TRUB2: variants seen among roughly 807,000 people sequenced by gnomAD.
The protein encoded by TRUB2 is TruB pseudouridine synthase family member 2.
A neutral mutation model predicts 31.9 loss-of-function variants in TRUB2; 31 were observed. That is an observed-to-expected ratio of 0.97 (90% CI 0.73 to 1.31). The LOEUF (loss-of-function observed/expected upper bound fraction) is 1.31, where lower values mean the gene tolerates loss of function less well. Ranked by LOEUF, TRUB2 falls within the 50% of genes most tolerant of loss-of-function variation. TRUB2 has a pLI of 0.00. For missense variants in TRUB2, 451 were observed against 439.6 expected, an observed-to-expected ratio of 1.03 and a Z score of -0.23; for synonymous variants, 201 against 182.6, an observed-to-expected ratio of 1.10 and a Z score of -0.81.
chr9:128,310,946 G>A lies in TRUB2; in HGVS notation c.611C>T (p.Ser204Phe), dbSNP rs2131443288. 1 of 1,614,220 alleles carries A rather than the reference G, an allele frequency of 6.2e-7. No homozygotes were observed. The highest frequency in any genetic ancestry group is 1.1e-5 in the South Asian group (1 of 91,088). Residue 204 changes from serine to phenylalanine, a missense_variant, in exon 7 of 8, where the codon TCC (serine) becomes TTC (phenylalanine). Physicochemically the swap from Ser to Phe is radical, Grantham distance 155. Coordinates refer to ENST00000372890, the MANE Select transcript of TRUB2 (RefSeq NM_015679.3). Reference sequence around the variant, plus strand: ...TCGGATGCCAGTTATCAGCATCGGGGACTTGTTCATGGGCCGGATCAGGCC... The same window carrying A: ...TCGGATGCCAGTTATCAGCATCGGGAACTTGTTCATGGGCCGGATCAGGCC... ...VRGLIRPMNK[S>F]PMLITGIRCL...
intron 2 of TRUB2, among the ~76,000 whole-genome samples, chr9:128,319,548 C>A (rs1832126534): frequency 6.6e-6 from 1 of 151,974 alleles, no homozygotes; most frequent in South Asian, 2.1e-4. Flanking sequence ...GGTCCAGGAT[C>A]CCTTGCAGAT....
intron 5 of TRUB2, among the ~76,000 whole-genome samples, chr9:128,312,901 T>C (rs1453496451): frequency 6.7e-6 from 1 of 149,668 alleles, no homozygotes; most frequent in Non-Finnish European, 1.5e-5. Context: ...CGTGAGCCAC[T>C]GCGCCCGGCC....
Position 128,309,636 on chromosome 9 carries a change from T to C in TRUB2, c.910A>G (p.Thr304Ala). 1.2e-6 allele frequency: 2 copies of C among 1,614,038 alleles called. No individual in the cohort carries two copies. Among genetic ancestry groups the C allele is most frequent in the Non-Finnish European group, 1.7e-6 (2 of 1,179,982 alleles). Reference protein sequence around the residue: ...LEKSLSPGLDTKQLPSPGWSW... With the variant: ...LEKSLSPGLDAKQLPSPGWSW... ...CATCCCGGACTGGGGAGCTGCTTGG[T>C]GTCCAGCCCCGGGCTCAAGCTCTTC... The change falls in exon 8 of 8, where the codon ACC becomes GCC. Residue 304 changes from threonine to alanine, a missense_variant. Physicochemically the swap from Thr to Ala is moderately conservative, Grantham distance 58 (BLOSUM62 0). Transcript: ENST00000372890.
Position 128,310,799 on chromosome 9 carries a change from A to G in TRUB2, c.670+88T>C, listed in dbSNP as rs116336214. On this transcript the variant is annotated intron_variant, in intron 7 of 7. Coordinates refer to ENST00000372890, the MANE Select transcript of TRUB2 (RefSeq NM_015679.3). ...CGTGTGCTGGCCTCAGCTGAGCCAG[A>G]CAACAGTGACCTCTGCAAGAGCGTT... 1.5e-3 allele frequency: 2,361 copies of G among 1,557,600 alleles called. 39 individuals are homozygous for G. In the African/African-American group the frequency reaches 0.029, roughly 19 times the overall value.
At chr9:128,321,413 T>C (rs6478825) in intron 2 of TRUB2, among the ~76,000 whole-genome samples, 186 bp downstream of exon 2, 3,959 of 152,316 alleles carry the variant, frequency 0.026, 154 homozygotes, top group African/African-American at 0.091. Context: ...GGAAATCACA[T>C]GGCCTGAAAA....
intron 5 of TRUB2, among the ~76,000 whole-genome samples, chr9:128,311,889 G>A (rs950279396): frequency 4.8e-5 from 7 of 144,986 alleles, no homozygotes; most frequent in African/African-American, 1.8e-4. Flanking sequence ...AGACTGGAGT[G>A]CAGTGGCGCA....
chr9:128,320,703 A>C (rs1832151144), intron 2 of TRUB2, among the ~76,000 whole-genome samples: 1 of 152,144 alleles, frequency 6.6e-6, no homozygotes, highest in Non-Finnish European at 1.5e-5. Flanking sequence ...AGGCTCAAGT[A>C]ATCCACCGCC....
At chr9:128,314,192 T>C (rs995144901) in intron 4 of TRUB2, among the ~76,000 whole-genome samples, 3 of 152,198 alleles carry the variant, frequency 2.0e-5, no homozygotes, top group African/African-American at 7.2e-5. Context: ...GTCAGCAGGC[T>C]TCCTACAAGA....
At position 128,311,011 on chromosome 9, in the gene TRUB2, G is replaced by A. The variant is rs375763939; in HGVS notation, c.546C>T (p.Leu182=). ...HQKALVMYSN[L]DLKTQEAYEM... Reference sequence around the variant, plus strand: ...CATAGGCCTCCTGGGTCTTCAGGTCGAGGTTGGAGTACCTGCAGATCAGGA... The same window carrying A: ...CATAGGCCTCCTGGGTCTTCAGGTCAAGGTTGGAGTACCTGCAGATCAGGA... Residue 182 remains leucine, a synonymous_variant, in exon 7 of 8, where the codon CTC becomes CTT. Transcript: ENST00000372890. The A allele has an allele frequency of 1.2e-5, 20 of 1,613,926 alleles. No homozygotes were observed. The highest frequency in any genetic ancestry group is 2.7e-5 in the African/African-American group (2 of 74,902).
chr9:128,313,380 A>AC (rs1301057323), intron 5 of TRUB2, among the ~76,000 whole-genome samples: 1 of 148,206 alleles, frequency 6.7e-6, no homozygotes, highest in Non-Finnish European at 1.5e-5. Context: ...AAAAATACAA[A>AC]AAAAAAAAAG....
intron 4 of TRUB2, among the ~76,000 whole-genome samples, chr9:128,315,346 G>T (rs1832047830): frequency 6.6e-6 from 1 of 152,146 alleles, no homozygotes; most frequent in African/African-American, 2.4e-5. Context: ...TTCCCTAAAG[G>T]AATCCACGTA....
At chr9:128,315,477 C>T in intron 4 of TRUB2, 90 bp downstream of exon 4, 12 of 1,363,044 alleles carry the variant, frequency 8.8e-6, no homozygotes, top group African/African-American at 1.4e-5. Context: ...CTTGGGTGTT[C>T]CCCCACGGAA....
chr9:128,313,535 C>CAAAAA (rs563876862), intron 5 of TRUB2, among the ~76,000 whole-genome samples: 47 of 78,174 alleles, frequency 6.0e-4, no homozygotes, highest in East Asian at 1.4e-3. Flanking sequence ...GACTCCGTCT[C>CAAAAA]AAAAAAAAAA....
At chr9:128,313,314 C>T (rs898859684) in intron 5 of TRUB2, among the ~76,000 whole-genome samples, 3 of 150,806 alleles carry the variant, frequency 2.0e-5, no homozygotes, top group African/African-American at 7.3e-5. Flanking sequence ...ATCATGAGGT[C>T]AGGAGATCCA....
chr9:128,322,413 G>T lies in TRUB2; in HGVS notation c.-5C>A, dbSNP rs773998115. ...CGACAAGCCAGCAGACCCCATACTT[G>T]AAGATCACAGCACCCGCTGGACCTG... On this transcript the variant is annotated 5_prime_UTR_variant, in exon 1 of 8. Transcript: ENST00000372890. 1.2e-6 allele frequency: 2 copies of T among 1,613,918 alleles called. No individual in the cohort carries two copies. Among genetic ancestry groups the T allele is most frequent in the Non-Finnish European group, 1.7e-6 (2 of 1,179,968 alleles).
intron 3 of TRUB2, chr9:128,315,842 T>C (rs1832059569): frequency 8.8e-6 from 5 of 569,682 alleles, no homozygotes; most frequent in Admixed American, 2.9e-5. Context: ...TGAATCTGAC[T>C]CATGGTTGGA....
chr9:128,309,621 T>G lies in TRUB2; in HGVS notation c.925A>C (p.Ser309Arg). 6.2e-7 allele frequency: 1 copy of G among 1,614,128 alleles called. No homozygotes were observed. The highest frequency in any genetic ancestry group is 8.5e-7 in the Non-Finnish European group (1 of 1,180,008). The change falls in exon 8 of 8, where the codon AGT (serine) becomes CGT (arginine). Residue 309 changes from serine (S) to arginine (R), a missense_variant. Ser to Arg is a moderately radical substitution (Grantham distance 110). Transcript: ENST00000372890. Reference sequence around the variant, plus strand: ...TGGGAGTCCCAGGACCATCCCGGACTGGGGAGCTGCTTGGTGTCCAGCCCC... The same window carrying G: ...TGGGAGTCCCAGGACCATCCCGGACGGGGGAGCTGCTTGGTGTCCAGCCCC... ...SPGLDTKQLP[S>R]PGWSWDSQGP...
Position 128,322,241 on chromosome 9 carries a change from C to G in TRUB2, c.109+59G>C. Reference sequence around the variant, plus strand: ...TTTGTTTTGGGGTAAGGACCAGAAGCGGAGATGGACTTCCAAGAGAACGAG... The same window carrying G: ...TTTGTTTTGGGGTAAGGACCAGAAGGGGAGATGGACTTCCAAGAGAACGAG... On this transcript the variant is annotated intron_variant, in intron 1 of 7. Coordinates refer to ENST00000372890, the MANE Select transcript of TRUB2 (RefSeq NM_015679.3). 3 of 1,452,160 alleles carry G rather than the reference C, an allele frequency of 2.1e-6. No homozygotes were observed. The Middle Eastern group carries it at 5.2e-4, about 253-fold the overall frequency. The allele number at this position is 1,452,160 out of a possible 1,614,324, so 90.0% of individuals were successfully genotyped here.
In TRUB2 at chr9:128,309,491, T is replaced by C; in HGVS notation, c.*59A>G. Reference sequence around the variant, plus strand: ...TCTCACTTTCTGCACAGCTATCAGGTCCAGCTCATAGCAGTTCTTCTATTT... The same window carrying C: ...TCTCACTTTCTGCACAGCTATCAGGCCCAGCTCATAGCAGTTCTTCTATTT... On this transcript the variant is annotated 3_prime_UTR_variant, in exon 8 of 8. Coordinates refer to ENST00000372890, the MANE Select transcript of TRUB2 (RefSeq NM_015679.3). The C allele has an allele frequency of 6.5e-7, 1 of 1,534,118 alleles. No individual in the cohort carries two copies. Among genetic ancestry groups the C allele is most frequent in the Non-Finnish European group, 8.8e-7 (1 of 1,131,776 alleles).
Sources: gnomAD v4.1 joint callset for allele counts (sites outside exome capture counted in the v4.1 genomes callset) on GRCh38, gnomAD v4.1.1 for gene constraint, MANE v1.5 for transcripts, NCBI Gene and HGNC (gene_info 2026-07-23, HGNC 2026-07-21) for gene names.